The following PANK1 variants were observed in gnomAD, a reference collection of about 807,000 sequenced individuals.
PANK1 encodes the protein pantothenic acid kinase 1.
A neutral mutation model predicts 40.1 loss-of-function variants in PANK1; 18 were observed. The observed-to-expected ratio is 0.45, with a 90% CI of 0.31 to 0.67. The LOEUF is 0.67. Among genes scored for constraint, PANK1 ranks in the 30% least tolerant of loss-of-function variants. The probability of loss-of-function intolerance (pLI) is 0.06; values close to 1 mark genes in which losing one functional copy is unlikely to be tolerated. For missense variants in PANK1, 457 were observed against 599.6 expected (o/e 0.76, Z 2.48); for synonymous variants, 242 against 237.7 (o/e 1.02, Z -0.17).
chr10:89,639,599 G>A (rs982259690), intron 1 of PANK1, among the ~76,000 whole-genome samples: 1 of 152,208 alleles, frequency 6.6e-6, no homozygotes, highest in African/African-American at 2.4e-5. Context: ...TTCATTGCTA[G>A]TAAGTAGGAA....
At position 89,606,316 on chromosome 10, in the gene PANK1, T is replaced by C. The variant is rs541036826; in HGVS notation, c.645+5380A>G. Among the ~76,000 whole-genome samples the C allele has an allele frequency of 4.6e-5, 7 of 152,362 alleles. No individual in the cohort carries two copies. In the East Asian group the frequency reaches 1.2e-3, roughly 25 times the overall value. ...ACTATGAAAGTCTTAGGTGGCCTCT[T>C]CTTCCAAAACAATATAAGGCTATTT... is the stretch of plus-strand genomic sequence containing the variant. On this transcript the variant is annotated intron_variant, in intron 2 of 6. Transcript: ENST00000307534.
At chr10:89,590,070 G>C (rs1844331664) in intron 5 of PANK1, among the ~76,000 whole-genome samples, 1 of 149,578 alleles carries the variant, frequency 6.7e-6, no homozygotes, top group African/African-American at 2.4e-5. Flanking sequence ...AAGAAAAAGA[G>C]ATAGGGAAAA....
In PANK1 at chr10:89,599,299, A is replaced by T; in HGVS notation, c.852T>A (p.Ile284=). 1 of 1,613,994 alleles carries T rather than the reference A, an allele frequency of 6.2e-7. No individual in the cohort carries two copies. Among genetic ancestry groups the T allele is most frequent in the Non-Finnish European group, 8.5e-7 (1 of 1,179,812 alleles). The change falls in exon 3 of 7, where the codon ATT becomes ATA. Residue 284 remains isoleucine (I), a synonymous_variant. Transcript: ENST00000307534. ...AGTTGTCCTTGGAGTACACGGCTAG[A>T]ATGCTGACACCTGAGCCCATGTTAA... ...LLVNMGSGVS[I]LAVYSKDNYK...
chr10:89,620,998 G>A (rs1845467689), intron 1 of PANK1, among the ~76,000 whole-genome samples: 1 of 152,160 alleles, frequency 6.6e-6, no homozygotes, highest in Admixed American at 6.5e-5. Context: ...ACGTCCACAA[G>A]TTTTAAAAAA....
intron 6 of PANK1, among the ~76,000 whole-genome samples, chr10:89,585,202 G>A (rs147191409): frequency 8.1e-4 from 123 of 152,264 alleles, no homozygotes; most frequent in African/African-American, 1.5e-3. Flanking sequence ...GCTGGATTAC[G>A]TGGTGGAAGG....
intron 2 of PANK1, among the ~76,000 whole-genome samples, chr10:89,605,994 T>C (rs984446425): frequency 6.6e-6 from 1 of 152,226 alleles, no homozygotes; most frequent in Non-Finnish European, 1.5e-5. Flanking sequence ...ACTAGTTGTG[T>C]TGTCAATGAG....
chr10:89,607,044 C>T (rs1844987120), intron 2 of PANK1, among the ~76,000 whole-genome samples: 1 of 152,172 alleles, frequency 6.6e-6, no homozygotes, highest in South Asian at 2.1e-4. Flanking sequence ...CCTTCAAGAA[C>T]TTTTCCTTTG....
Position 89,644,919 on chromosome 10 carries a change from GC to G in PANK1, c.-29del. Reference sequence around the variant, plus strand: ...CGGGGGCTGGCGGGGCTGTGCGCGGGCCCCGGCTCAGGCGGCCTCGCTGGAG... The same window carrying G: ...CGGGGGCTGGCGGGGCTGTGCGCGGGCCCGGCTCAGGCGGCCTCGCTGGAG... On this transcript the variant is annotated 5_prime_UTR_variant, in exon 1 of 7. Transcript: ENST00000307534. 2 of 1,544,566 alleles carry G rather than the reference GC, an allele frequency of 1.3e-6. No homozygotes were observed. The highest frequency in any genetic ancestry group is 2.0e-5 in the Admixed American group (1 of 50,664).
Position 89,645,037 on chromosome 10 carries a change from C to A in PANK1, c.-146G>T, listed in dbSNP as rs1216212220. On this transcript the variant is annotated 5_prime_UTR_variant, in exon 1 of 7. Coordinates refer to ENST00000307534, the MANE Select transcript of PANK1 (RefSeq NM_148977.3). ...CGGCGCCTGGGGATGGCGAACCCGGCGCTCCTCCCCTCCTCCTGCCGACTC... is the reference window on the plus strand; with the variant it reads ...CGGCGCCTGGGGATGGCGAACCCGGAGCTCCTCCCCTCCTCCTGCCGACTC... The A allele has an allele frequency of 2.6e-6, 4 of 1,564,706 alleles. No individual in the cohort carries two copies. Among genetic ancestry groups the A allele is most frequent in the African/African-American group, 2.8e-5 (2 of 70,526 alleles).
At position 89,621,214 on chromosome 10, in the gene PANK1, T is replaced by C. The variant is rs1474758440; in HGVS notation, c.293-9166A>G. On this transcript the variant is annotated intron_variant, in intron 1 of 6. Coordinates refer to ENST00000307534, the MANE Select transcript of PANK1 (RefSeq NM_148977.3). ...TACACAGGAGGCTGAGGCAGGAGAA[T>C]TGCTTGAACCCGGGAGGTGGAGGTT... Among the ~76,000 whole-genome samples, 5 of 152,144 alleles carry C rather than the reference T, an allele frequency of 3.3e-5. No homozygotes were observed. In the East Asian group the frequency reaches 5.8e-4, roughly 18 times the overall value.
At chr10:89,605,706 T>C (rs552620810) in intron 2 of PANK1, among the ~76,000 whole-genome samples, 2 of 152,328 alleles carry the variant, frequency 1.3e-5, no homozygotes, top group East Asian at 3.9e-4. Context: ...GCTATTTTAT[T>C]CCCCCAACTT....
At chr10:89,611,547 C>A (rs1022267109) in intron 2 of PANK1, 149 bp downstream of exon 2, 17 of 607,162 alleles carry the variant, frequency 2.8e-5, no homozygotes, top group Non-Finnish European at 4.9e-5. Context: ...TGTTTTTATT[C>A]TTGTATAGGT....
chr10:89,595,829 AAAAAATATATATATATAT>A (rs1274828888), intron 3 of PANK1, among the ~76,000 whole-genome samples: 2 of 66,690 alleles, frequency 3.0e-5, no homozygotes, highest in African/African-American at 7.6e-5. Flanking sequence ...AAAAAAAAAA[AAAAAATATATATATATAT>A]ATATATATAT....
intron 1 of PANK1, chr10:89,625,831 G>A (rs1207015599): frequency 6.6e-6 from 1 of 152,198 alleles, no homozygotes; most frequent in Non-Finnish European, 1.5e-5. Flanking sequence ...TCTGGGCCAG[G>A]AGGAAGCAGG....
intron 2 of PANK1, among the ~76,000 whole-genome samples, chr10:89,610,939 A>G (rs1233662921): frequency 1.2e-4 from 19 of 152,080 alleles, no homozygotes; most frequent in Admixed American, 1.2e-3. Context: ...TATTATATTG[A>G]CTGTAGAAAA....
chr10:89,638,876 C>T (rs1400511183), intron 1 of PANK1, among the ~76,000 whole-genome samples: 2 of 152,240 alleles, frequency 1.3e-5, no homozygotes, highest in Non-Finnish European at 2.9e-5. Context: ...CTCTCCTCCT[C>T]TTCTCAGCCT....
At chr10:89,599,534 C>A (rs759708523) in intron 2 of PANK1, 29 bp from the exon 3 acceptor site, 15 of 1,597,066 alleles carry the variant, frequency 9.4e-6, no homozygotes, top group South Asian at 1.1e-5. Flanking sequence ...CAAAATAAAA[C>A]CTTGTGAGAT....
chr10:89,596,576 A>G (rs910369798), intron 3 of PANK1, among the ~76,000 whole-genome samples: 1 of 152,216 alleles, frequency 6.6e-6, no homozygotes, highest in Non-Finnish European at 1.5e-5. Flanking sequence ...TAATATCCTT[A>G]ACCTGCTAAC....
At chr10:89,640,124 C>T (rs539907625) in intron 1 of PANK1, among the ~76,000 whole-genome samples, 52 of 152,266 alleles carry the variant, frequency 3.4e-4, no homozygotes, top group African/African-American at 1.2e-3. Flanking sequence ...TCTCTTTGCC[C>T]ATCTTTAAAA....
Sources: gnomAD v4.1 joint callset for allele counts (sites outside exome capture counted in the v4.1 genomes callset) on GRCh38, gnomAD v4.1.1 for gene constraint, MANE v1.5 for transcripts, NCBI Gene and HGNC (gene_info 2026-07-23, HGNC 2026-07-21) for gene names.